The following NAAA variants were observed in gnomAD, a reference collection of about 807,000 sequenced individuals.
NAAA encodes the protein N-acylethanolamine-hydrolyzing acid amidase.
NAAA carries 39 observed loss-of-function variants against 44.8 expected under a neutral mutation model. The ratio of observed to expected loss-of-function variants is 0.87; its 90% CI spans 0.67 to 1.14. The LOEUF is 1.14. Ranked by LOEUF, NAAA falls within the 50% of genes most tolerant of loss-of-function variation. The pLI is 0.00. For missense variants in NAAA, 460 were observed against 467.8 expected, an observed-to-expected ratio of 0.98 and a Z score of 0.15; for synonymous variants, 178 against 191.3, an observed-to-expected ratio of 0.93 and a Z score of 0.58.
At chr4:75,911,921 C>T (rs1263663718), downstream of NAAA, among the ~76,000 whole-genome samples, 1 of 152,180 alleles carries the variant, frequency 6.6e-6, no homozygotes, top group Non-Finnish European at 1.5e-5. Context: ...TTATTATCAT[C>T]CTTTCTTTAA....
rs1248101923 is a variant in NAAA at position 75,914,193 on chromosome 4, A to G, written c.*182T>C. ...ATGCCCATTACTGGCTTTACCACAA[A>G]CTCCAAATCTCCTGGACCCACTTCG... On this transcript the variant is annotated 3_prime_UTR_variant, in exon 11 of 11. Transcript: ENST00000286733. 2.0e-6 allele frequency: 2 copies of G among 985,704 alleles called. No individual in the cohort carries two copies. Among genetic ancestry groups the G allele is most frequent in the South Asian group, 4.7e-5 (1 of 21,262 alleles). The allele number at this position is 985,704 out of a possible 1,614,324, so 61.1% of individuals were successfully genotyped here. A position where few individuals can be genotyped will look rare whatever the true frequency, so the allele number is the denominator to read the frequency against.
At chr4:75,940,415 G>C (rs1728159522) in intron 1 of NAAA, among the ~76,000 whole-genome samples, 1 of 152,234 alleles carries the variant, frequency 6.6e-6, no homozygotes, top group Non-Finnish European at 1.5e-5. Context: ...GTCCCAAAGG[G>C]GCAAGCTTGG....
At chr4:75,912,554 G>GAAA (rs34332139), downstream of NAAA, among the ~76,000 whole-genome samples, 3 of 113,132 alleles carry the variant, frequency 2.7e-5, no homozygotes, top group African/African-American at 1.1e-4. Context: ...ACTCTGTCTG[G>GAAA]AAAAAAAAAA....
At chr4:75,917,905 C>T (rs533501201) in intron 9 of NAAA, 3 of 237,176 alleles carry the variant, frequency 1.3e-5, no homozygotes, top group East Asian at 2.6e-4. Context: ...ATTAACTAAG[C>T]GAATTGTCAG....
intron 9 of NAAA, among the ~76,000 whole-genome samples, chr4:75,918,359 G>C (rs1725822174): frequency 6.6e-6 from 1 of 152,138 alleles, no homozygotes; most frequent in East Asian, 1.9e-4. Context: ...GGAGGCTGAG[G>C]CAGGAGAATG....
intron 2 of NAAA, chr4:75,939,644 T>C: frequency 4.7e-6 from 1 of 212,866 alleles, no homozygotes; most frequent in Non-Finnish European, 9.8e-6. Context: ...CTCGAACTCC[T>C]AACCTCGTGA....
At position 75,913,943 on chromosome 4, in the gene NAAA, T is replaced by A; in HGVS notation, c.*432A>T. On this transcript the variant is annotated 3_prime_UTR_variant, in exon 11 of 11. Transcript: ENST00000286733. ...GTTCTCCATTTCTTTCAGATGAGCC[T>A]TTTTTCTTAGGCTCTTTCAGAAGCA... 1.0e-6 allele frequency: 1 copy of A among 985,420 alleles called. No homozygotes were observed. Among genetic ancestry groups the A allele is most frequent in the Non-Finnish European group, 1.2e-6 (1 of 829,916 alleles). 61.0% of individuals were successfully genotyped at this position (985,420 alleles called of 1,614,324 possible). A position where few individuals can be genotyped will look rare whatever the true frequency, so the allele number is the denominator to read the frequency against.
intron 5 of NAAA, among the ~76,000 whole-genome samples, chr4:75,922,331 T>A (rs1726247842): frequency 6.7e-6 from 1 of 148,802 alleles, no homozygotes. Flanking sequence ...TGAGCCGAGA[T>A]CATGCCACTG....
At chr4:75,938,999 C>T (rs958617759) in intron 2 of NAAA, among the ~76,000 whole-genome samples, 2 of 151,966 alleles carry the variant, frequency 1.3e-5, no homozygotes, top group Non-Finnish European at 1.5e-5. Context: ...CACAGGTGCC[C>T]GCCACCAGGC....
chr4:75,940,275 A>C, intron 1 of NAAA, 110 bp from the exon 2 acceptor site: 1 of 1,196,226 alleles, frequency 8.4e-7, no homozygotes, highest in Non-Finnish European at 1.2e-6. Context: ...TCTCAGGGCC[A>C]CTGCTCCCCA....
chr4:75,935,548 TGAAG>T (rs1344984652), intron 3 of NAAA: 7 of 152,784 alleles, frequency 4.6e-5, no homozygotes, highest in Non-Finnish European at 1.0e-4. Flanking sequence ...ACTTGCAGAA[TGAAG>T]GACCATTTAT....
Position 75,935,992 on chromosome 4 carries a change from G to T in NAAA, c.498+117C>A, listed in dbSNP as rs1386690758. 57 of 1,206,910 alleles carry T rather than the reference G, an allele frequency of 4.7e-5. 1 individual carries two copies. The East Asian group carries it at 1.3e-3, about 28-fold the overall frequency. 74.8% of individuals were successfully genotyped at this position (1,206,910 alleles called of 1,614,324 possible). A position where few individuals can be genotyped will look rare whatever the true frequency, so the allele number is the denominator to read the frequency against. On this transcript the variant is annotated intron_variant, in intron 3 of 10. Transcript: ENST00000286733. ...CTTCTGGCTTTGTTTTTCCAGGGGTGTGATTTTTTTGTGTCTTACACTGAT... is the reference window on the plus strand; with the variant it reads ...CTTCTGGCTTTGTTTTTCCAGGGGTTTGATTTTTTTGTGTCTTACACTGAT...
chr4:75,922,735 G>A (rs555325599), intron 5 of NAAA, among the ~76,000 whole-genome samples: 1 of 152,298 alleles, frequency 6.6e-6, no homozygotes, highest in African/African-American at 2.4e-5. Context: ...TTTGTGAGTT[G>A]ACTTTTCAGT....
intron 3 of NAAA, chr4:75,935,374 T>C (rs1028792627): frequency 1.3e-5 from 2 of 152,206 alleles, no homozygotes; most frequent in Non-Finnish European, 2.9e-5. Context: ...CAAAACATGC[T>C]TTGCGTACTC....
chr4:75,921,262 C>G lies in NAAA; in HGVS notation c.667-139G>C, dbSNP rs572311689. On this transcript the variant is annotated intron_variant, in intron 5 of 10. Coordinates refer to ENST00000286733, the MANE Select transcript of NAAA (RefSeq NM_014435.4). ...CCTTGATCTGCTCTGACCTTATCCT[C>G]TTGTTATCAGGGCTCCTAAGATGGA... 1.4e-4 allele frequency: 112 copies of G among 797,030 alleles called. 1 individual carries two copies. The highest frequency in any genetic ancestry group is 3.5e-4 in the South Asian group (14 of 40,528). 49.4% of individuals were successfully genotyped at this position (797,030 alleles called of 1,614,324 possible).
Position 75,913,844 on chromosome 4 carries a change from G to C in NAAA, c.*531C>G. 1.0e-6 allele frequency: 1 copy of C among 985,212 alleles called. No individual in the cohort carries two copies. The highest frequency in any genetic ancestry group is 4.7e-5 in the South Asian group (1 of 21,284). 61.0% of individuals were successfully genotyped at this position (985,212 alleles called of 1,614,324 possible). A position where few individuals can be genotyped will look rare whatever the true frequency, so the allele number is the denominator to read the frequency against. Reference sequence around the variant, plus strand: ...ACGTTAGAAACATTATAAAAAACGAGACTCCCATTACATGGAAACACATGA... The same window carrying C: ...ACGTTAGAAACATTATAAAAAACGACACTCCCATTACATGGAAACACATGA... On this transcript the variant is annotated 3_prime_UTR_variant, in exon 11 of 11. Coordinates refer to ENST00000286733, the MANE Select transcript of NAAA (RefSeq NM_014435.4).
intron 10 of NAAA, 110 bp from the exon 11 acceptor site, chr4:75,914,448 C>T (rs1250697666): frequency 2.7e-6 from 1 of 365,486 alleles, no homozygotes; most frequent in Non-Finnish European, 3.8e-6. Flanking sequence ...GATCTCAGCT[C>T]ACTACAAACT....
At position 75,939,755 on chromosome 4, in the gene NAAA, A is replaced by G. The variant is rs114268899; in HGVS notation, c.371+246T>C. The G allele has an allele frequency of 4.0e-3, 2,016 of 499,978 alleles. 30 individuals are homozygous for G. The highest frequency in any genetic ancestry group is 0.035 in the African/African-American group (1,830 of 51,910). The allele number at this position is 499,978 out of a possible 1,614,324, so 31.0% of individuals were successfully genotyped here. On this transcript the variant is annotated intron_variant, in intron 2 of 10. Transcript: ENST00000286733. ...AAAAGTACGCTACCTGGATTGGGGA[A>G]GAGAAAACCCGGGGCTACACGTAGA...
At chr4:75,921,635 A>G (rs17001220) in intron 5 of NAAA, among the ~76,000 whole-genome samples, 5,073 of 152,268 alleles carry the variant, frequency 0.033, 276 homozygotes, top group African/African-American at 0.12. Context: ...TGGACGTCAC[A>G]GTAGGGGTCC....
Sources: gnomAD v4.1 joint callset for allele counts (sites outside exome capture counted in the v4.1 genomes callset) on GRCh38, gnomAD v4.1.1 for gene constraint, MANE v1.5 for transcripts, NCBI Gene and HGNC (gene_info 2026-07-23, HGNC 2026-07-21) for gene names.